Variants in SNF8 observed in about 807,000 individuals in gnomAD.
The protein encoded by SNF8 is SNF8 subunit of ESCRT-II, also known as vacuolar-sorting protein SNF8.
Under a neutral mutation model 36.8 loss-of-function variants are expected in SNF8, and 19 were observed. The ratio of observed to expected loss-of-function variants is 0.52; its 90% CI spans 0.36 to 0.76. SNF8 has a LOEUF of 0.76. Ranked by LOEUF, SNF8 falls within the 30% of genes least tolerant of loss-of-function variation. SNF8 has a pLI of 0.00. For missense variants in SNF8, 268 were observed against 322.9 expected (o/e 0.83, Z 1.30); for synonymous variants, 127 against 127.4 (o/e 1.00, Z 0.02).
intron 7 of SNF8, among the ~76,000 whole-genome samples, chr17:48,931,023 A>C (rs546061551): frequency 4.6e-5 from 7 of 152,360 alleles, no homozygotes; most frequent in African/African-American, 1.4e-4. Context: ...TTATGCAAGA[A>C]TAGACTCAGT....
chr17:48,936,567 A>G (rs2040937343), intron 4 of SNF8: 3 of 326,148 alleles, frequency 9.2e-6, no homozygotes, highest in Admixed American at 9.3e-5. Context: ...TCTTTCTGTA[A>G]CTTCAATCCA....
At chr17:48,930,902 T>C (rs568062675) in intron 7 of SNF8, among the ~76,000 whole-genome samples, 1 of 152,342 alleles carries the variant, frequency 6.6e-6, no homozygotes, top group African/African-American at 2.4e-5. Flanking sequence ...ATTTGCTGTG[T>C]GGCCTTCAGC....
At chr17:48,930,724 TCTA>T (rs796928189) in intron 7 of SNF8, 112 bp from the exon 8 acceptor site, 25 of 1,125,592 alleles carry the variant, frequency 2.2e-5, no homozygotes, top group African/African-American at 3.1e-5. Flanking sequence ...TCAAACTAAA[TCTA>T]CTAAGTGCCT....
intron 4 of SNF8, 71 bp downstream of exon 4, chr17:48,936,949 G>T: frequency 8.7e-7 from 1 of 1,148,690 alleles, no homozygotes; most frequent in Non-Finnish European, 1.3e-6. Context: ...GGATGGAAAC[G>T]ATAATCTTTT....
chr17:48,939,539 A>G (rs1274089704), intron 3 of SNF8, among the ~76,000 whole-genome samples: 2 of 148,404 alleles, frequency 1.3e-5, no homozygotes, highest in East Asian at 4.1e-4. Context: ...GGCTCACTGC[A>G]ACCTTCACCT....
chr17:48,944,107 C>A (rs555768950), intron 1 of SNF8, 132 bp from the exon 2 acceptor site: 4 of 781,106 alleles, frequency 5.1e-6, no homozygotes, highest in South Asian at 4.3e-5. Context: ...ATCGAGCCAT[C>A]CTGGCTAACA....
rs1567791017 is a variant in SNF8, at chr17:48,943,960, GCTC to G, written c.67_69del (p.Glu23del). The G allele has an allele frequency of 6.2e-7, 1 of 1,613,804 alleles. No individual in the cohort carries two copies. The highest frequency in any genetic ancestry group is 1.1e-5 in the South Asian group (1 of 91,084). ...TGGTCCTCAGCCAAGACCGTCCCTC[GCTC>G]CTTATACTTGGCCTGTCAGACAAAG... On this transcript the variant is annotated inframe_deletion, in exon 2 of 8. Coordinates refer to ENST00000502492, the MANE Select transcript of SNF8 (RefSeq NM_007241.4).
rs1451302656 is a variant in SNF8 at position 48,937,078 on chromosome 17, A to G, written c.291T>C (p.Tyr97=). Reference sequence around the variant, plus strand: ...CGATAATTTGGACACCTAGTTCGTAATAGAAGTCCCCCACGCCCAGCATCT... The same window carrying G: ...CGATAATTTGGACACCTAGTTCGTAGTAGAAGTCCCCCACGCCCAGCATCT... ...WSEMLGVGDF[Y]YELGVQIIEV... is the part of the protein sequence containing the mutation. The change falls in exon 4 of 8, where the codon TAT becomes TAC. Residue 97 remains tyrosine (Y), a synonymous_variant. Coordinates refer to ENST00000502492, the MANE Select transcript of SNF8 (RefSeq NM_007241.4). The G allele has an allele frequency of 5.0e-6, 8 of 1,614,088 alleles. No individual in the cohort carries two copies. In the Admixed American group the frequency reaches 1.3e-4, roughly 27 times the overall value.
intron 3 of SNF8, among the ~76,000 whole-genome samples, chr17:48,937,586 C>T (rs1372983734): frequency 3.3e-5 from 5 of 150,756 alleles, no homozygotes; most frequent in African/African-American, 9.7e-5. Context: ...GCCAAGATCG[C>T]GCCACCATAC....
chr17:48,934,772 C>G (rs2040910823), intron 5 of SNF8, among the ~76,000 whole-genome samples: 1 of 152,114 alleles, frequency 6.6e-6, no homozygotes, highest in Non-Finnish European at 1.5e-5. Context: ...CCAGACTGGT[C>G]TCGAACTCCT....
chr17:48,944,637 C>T (rs1170363570), intron 1 of SNF8, 44 bp downstream of exon 1: 2 of 1,599,848 alleles, frequency 1.3e-6, no homozygotes, highest in Non-Finnish European at 1.7e-6. Flanking sequence ...TTCAGTCTCG[C>T]ACGGGTCAGG....
intron 6 of SNF8, chr17:48,932,432 A>C (rs921731927): frequency 1.3e-5 from 2 of 152,096 alleles, no homozygotes; most frequent in African/African-American, 4.8e-5. Flanking sequence ...CCCCTCCCTT[A>C]TTTAGTTCTG....
intron 2 of SNF8, 62 bp downstream of exon 2, chr17:48,943,863 A>T: frequency 1.4e-6 from 2 of 1,415,358 alleles, no homozygotes; most frequent in African/African-American, 1.4e-5. Context: ...TTCGTATCCA[A>T]GGTGTCTTGG....
intron 4 of SNF8, 132 bp from the exon 5 acceptor site, chr17:48,936,374 CT>C: frequency 1.5e-6 from 1 of 654,790 alleles, no homozygotes; most frequent in Non-Finnish European, 2.7e-6. Flanking sequence ...TAACACTCTC[CT>C]TATGAAATAA....
At chr17:48,942,590 C>T (rs567602082) in intron 2 of SNF8, among the ~76,000 whole-genome samples, 7 of 152,248 alleles carry the variant, frequency 4.6e-5, no homozygotes, top group South Asian at 4.1e-4. Context: ...AGCTGCACCC[C>T]CCATCACTCA....
At chr17:48,934,266 T>C (rs117593289) in intron 5 of SNF8, among the ~76,000 whole-genome samples, 2,933 of 151,814 alleles carry the variant, frequency 0.019, 51 homozygotes, top group Non-Finnish European at 0.03. Context: ...CACCCTCTCT[T>C]CATGAAATCT....
chr17:48,941,059 A>C lies in SNF8; in HGVS notation c.109T>G (p.Ser37Ala). Residue 37 changes from serine to alanine, a missense_variant, in exon 3 of 8, where the codon TCA becomes GCA. Ser to Ala is a moderately conservative substitution (Grantham distance 99). Transcript: ENST00000502492. ...VLAEDQLAQM[S>A]KQLDMFKTNL... ...GTCTTGAACATGTCCAACTGCTTTG[A>C]CATCTGTTGGATGGACAGGGAGTGG... 1 of 1,613,714 alleles carries C rather than the reference A, an allele frequency of 6.2e-7. No individual in the cohort carries two copies. The highest frequency in any genetic ancestry group is 8.5e-7 in the Non-Finnish European group (1 of 1,179,860).
At position 48,936,970 on chromosome 17, in the gene SNF8, C is replaced by G. The variant is rs182202830; in HGVS notation, c.349+50G>C. 10 of 1,313,538 alleles carry G rather than the reference C, an allele frequency of 7.6e-6. No homozygotes were observed. In the Admixed American group the frequency reaches 1.3e-4, roughly 18 times the overall value. The allele number at this position is 1,313,538 out of a possible 1,614,324, so 81.4% of individuals were successfully genotyped here. A position where few individuals can be genotyped will look rare whatever the true frequency, so the allele number is the denominator to read the frequency against. ...AAACGATAATCTTTTACGGTTTTCT[C>G]CCTCTCAGAGAAGTCCAGAGTCCAG... On this transcript the variant is annotated intron_variant, in intron 4 of 7. Coordinates refer to ENST00000502492, the MANE Select transcript of SNF8 (RefSeq NM_007241.4).
At position 48,933,188 on chromosome 17, in the gene SNF8, C is replaced by T. The variant is rs750790785; in HGVS notation, c.564+17G>A. On this transcript the variant is annotated intron_variant, in intron 6 of 7. Transcript: ENST00000502492. ...ACTGTCCCTTGCACACACACACACT[C>T]GAAGGTGCACCAGTACCTCTGCCAG... 11 of 1,612,244 alleles carry T rather than the reference C, an allele frequency of 6.8e-6. No homozygotes were observed. The South Asian group carries it at 8.8e-5, about 13-fold the overall frequency.
Sources: gnomAD v4.1 joint callset for allele counts (sites outside exome capture counted in the v4.1 genomes callset) on GRCh38, gnomAD v4.1.1 for gene constraint, MANE v1.5 for transcripts, NCBI Gene and HGNC (gene_info 2026-07-23, HGNC 2026-07-21) for gene names.